PAFAH1B1: variants seen among roughly 807,000 people sequenced by gnomAD.
PAFAH1B1 encodes platelet activating factor acetylhydrolase 1b regulatory subunit 1, also known as platelet-activating factor acetylhydrolase IB subunit beta.
Under a neutral mutation model 57.5 loss-of-function variants are expected in PAFAH1B1, and 2 were observed. That is an observed-to-expected ratio of 0.03 (90% CI 0.01 to 0.11). PAFAH1B1 has a LOEUF of 0.11. Among genes scored for constraint, PAFAH1B1 ranks in the 10% least tolerant of loss-of-function variants. The pLI, the probability that PAFAH1B1 is intolerant of heterozygous loss-of-function variation, is 1.00. For synonymous variants in PAFAH1B1, 152 were observed against 169.6 expected (o/e 0.90, Z 0.81); for missense variants, 257 against 512.0 (o/e 0.50, Z 4.81).
At chr17:2,622,571 C>T (rs1174636761) in intron 1 of PAFAH1B1, among the ~76,000 whole-genome samples, 1 of 152,226 alleles carries the variant, frequency 6.6e-6, no homozygotes, top group Non-Finnish European at 1.5e-5. Context: ...TTGGGCAGCT[C>T]TGCTCCTGCG....
At chr17:2,654,847 G>C (rs2068915367) in intron 2 of PAFAH1B1, among the ~76,000 whole-genome samples, 3 of 151,490 alleles carry the variant, frequency 2.0e-5, no homozygotes, top group Admixed American at 2.0e-4. Flanking sequence ...TTGCCATGTT[G>C]CCCAGGCTGG....
chr17:2,645,131 C>T (rs1035174126), intron 2 of PAFAH1B1, among the ~76,000 whole-genome samples: 7 of 152,042 alleles, frequency 4.6e-5, no homozygotes, highest in African/African-American at 1.2e-4. Flanking sequence ...CCTGTAATCC[C>T]GGCTACTCAG....
chr17:2,604,536 C>T (rs1000162173), intron 1 of PAFAH1B1, among the ~76,000 whole-genome samples: 4 of 152,036 alleles, frequency 2.6e-5, no homozygotes, highest in Non-Finnish European at 5.9e-5. Flanking sequence ...TTGGGCCAGG[C>T]GTGGTGGCTT....
chr17:2,682,088 T>C lies in PAFAH1B1; in HGVS notation c.*286T>C, dbSNP rs2069392604. ...AAGGCAGAAGTTGAATCAATTGAAC[T>C]AGGGCACTAAACTGAATAGTTGACA... is the stretch of plus-strand genomic sequence containing the variant. On this transcript the variant is annotated 3_prime_UTR_variant, in exon 11 of 11. Transcript: ENST00000397195. The C allele has an allele frequency of 5.8e-6, 2 of 347,590 alleles. No homozygotes were observed. The allele number at this position is 347,590 out of a possible 1,614,324, so 21.5% of individuals were successfully genotyped here.
chr17:2,621,827 G>A (rs1367714206), intron 1 of PAFAH1B1, among the ~76,000 whole-genome samples: 5 of 151,756 alleles, frequency 3.3e-5, no homozygotes, highest in East Asian at 3.9e-4. Context: ...GTATGTATTC[G>A]TTCGTTTTCA....
In PAFAH1B1 at chr17:2,628,015, G is replaced by A. The variant is rs979774476; in HGVS notation, c.-190-10084G>A. Among the ~76,000 whole-genome samples the A allele has an allele frequency of 5.3e-5, 8 of 152,252 alleles. No homozygotes were observed. The East Asian group carries it at 5.8e-4, about 11-fold the overall frequency. ...GGTTTTCAAGGTAAACGATCATATC[G>A]TCAGCAAACAGTGACAGTTTGACTT... On this transcript the variant is annotated intron_variant, in intron 1 of 10. Coordinates refer to ENST00000397195, the MANE Select transcript of PAFAH1B1 (RefSeq NM_000430.4).
At chr17:2,658,934 T>C (rs914685191) in intron 2 of PAFAH1B1, among the ~76,000 whole-genome samples, 8 of 151,830 alleles carry the variant, frequency 5.3e-5, no homozygotes, top group African/African-American at 1.9e-4. Context: ...CCCTGAAGAG[T>C]CAGTAGGGTA....
chr17:2,605,815 C>T (rs1229531118), intron 1 of PAFAH1B1, among the ~76,000 whole-genome samples: 1 of 152,036 alleles, frequency 6.6e-6, no homozygotes, highest in African/African-American at 2.4e-5. Flanking sequence ...TTTAAAGAGC[C>T]TAGGAATGGT....
At chr17:2,635,951 T>TAGAAAAAA (rs2068617866) in intron 1 of PAFAH1B1, among the ~76,000 whole-genome samples, 1 of 36,058 alleles carries the variant, frequency 2.8e-5, no homozygotes, top group African/African-American at 1.2e-4. Context: ...AATAGAAAAA[T>TAGAAAAAA]ACAAAAAAAA....
chr17:2,677,009 T>C (rs531809940), intron 9 of PAFAH1B1, among the ~76,000 whole-genome samples: 40 of 152,012 alleles, frequency 2.6e-4, no homozygotes, highest in Non-Finnish European at 5.0e-4. Context: ...AAAAATTAGC[T>C]GGGCGTGGTG....
intron 1 of PAFAH1B1, among the ~76,000 whole-genome samples, chr17:2,629,439 C>A (rs1236638082): frequency 6.6e-6 from 1 of 152,054 alleles, no homozygotes; most frequent in African/African-American, 2.4e-5. Flanking sequence ...CAGTTTTATT[C>A]CATCGTGGTC....
At chr17:2,626,556 C>CCG (rs2068494034) in intron 1 of PAFAH1B1, among the ~76,000 whole-genome samples, 3 of 24,664 alleles carry the variant, frequency 1.2e-4, no homozygotes, top group African/African-American at 6.3e-4. Context: ...CCTTTCTTCC[C>CCG]CCCCCCCCCC....
At chr17:2,605,689 C>G (rs78684882) in intron 1 of PAFAH1B1, among the ~76,000 whole-genome samples, 3,827 of 152,226 alleles carry the variant, frequency 0.025, 169 homozygotes, top group African/African-American at 0.088. Context: ...CTAATTTTTT[C>G]CACCTGGAAG....
intron 2 of PAFAH1B1, among the ~76,000 whole-genome samples, chr17:2,664,665 G>GCGCGCGCTCTCTCTCTCT: frequency 1.3e-4 from 11 of 86,024 alleles, no homozygotes; most frequent in African/African-American, 4.3e-4. Flanking sequence ...TCTATCTATC[G>GCGCGCGCTCTCTCTCTCT]CTCTCTCTCT....
At chr17:2,621,414 T>C (rs192192867) in intron 1 of PAFAH1B1, among the ~76,000 whole-genome samples, 12 of 152,288 alleles carry the variant, frequency 7.9e-5, no homozygotes, top group African/African-American at 2.2e-4. Flanking sequence ...ATCTGGTAAC[T>C]TGCAAGGTGT....
intron 1 of PAFAH1B1, among the ~76,000 whole-genome samples, chr17:2,603,717 G>A (rs1401127627): frequency 6.6e-6 from 1 of 151,146 alleles, no homozygotes; most frequent in Non-Finnish European, 1.5e-5. Flanking sequence ...TTGACATTGG[G>A]TAATTTGAAA....
chr17:2,618,700 T>G (rs528736887), intron 1 of PAFAH1B1, among the ~76,000 whole-genome samples: 1 of 151,746 alleles, frequency 6.6e-6, no homozygotes, highest in South Asian at 2.1e-4. Flanking sequence ...CAGGCTGGAG[T>G]GCAGTGGCGT....
At chr17:2,633,148 T>TTTTTTC in intron 1 of PAFAH1B1, among the ~76,000 whole-genome samples, 1 of 152,084 alleles carries the variant, frequency 6.6e-6, no homozygotes, top group South Asian at 2.1e-4. Flanking sequence ...CAAGATTTAT[T>TTTTTTC]TTTTTCTTTT....
intron 4 of PAFAH1B1, 111 bp downstream of exon 4, chr17:2,666,201 T>C (rs570762120): frequency 1.9e-6 from 2 of 1,027,278 alleles, no homozygotes; most frequent in Admixed American, 6.1e-5. Context: ...AAAAAGCAAA[T>C]AAAAATACAT....
Sources: gnomAD v4.1 joint callset for allele counts (sites outside exome capture counted in the v4.1 genomes callset) on GRCh38, gnomAD v4.1.1 for gene constraint, MANE v1.5 for transcripts, NCBI Gene and HGNC (gene_info 2026-07-23, HGNC 2026-07-21) for gene names.